Variants in KIF11 observed in about 807,000 individuals in gnomAD.
The protein encoded by KIF11 is kinesin family member 11, also known as kinesin-like protein KIF11.
KIF11 carries 9 observed loss-of-function variants against 121.0 expected under a neutral mutation model. The ratio of observed to expected loss-of-function variants is 0.07; its 90% CI spans 0.04 to 0.13. KIF11 has a LOEUF of 0.13. Among genes scored for constraint, KIF11 ranks in the 10% least tolerant of loss-of-function variants. The probability of loss-of-function intolerance (pLI) is 1.00; values close to 1 mark genes in which losing one functional copy is unlikely to be tolerated. For synonymous variants in KIF11, 408 were observed against 421.0 expected, an observed-to-expected ratio of 0.97 and a Z score of 0.38; for missense variants, 846 against 1,217.5, an observed-to-expected ratio of 0.69 and a Z score of 4.54.
intron 10 of KIF11, among the ~76,000 whole-genome samples, chr10:92,622,592 G>A (rs903395493): frequency 1.3e-5 from 2 of 151,652 alleles, no homozygotes; most frequent in African/African-American, 4.8e-5. Flanking sequence ...TCCAGCCTGG[G>A]GAACAAGAGC....
intron 4 of KIF11, among the ~76,000 whole-genome samples, chr10:92,608,532 G>A (rs1326093688): frequency 3.5e-5 from 5 of 143,492 alleles, no homozygotes; most frequent in Non-Finnish European, 6.2e-5. Context: ...TCCACCTCCC[G>A]GGTTCAAGTG....
chr10:92,612,051 G>T (rs1317421713), intron 6 of KIF11, among the ~76,000 whole-genome samples: 2 of 151,636 alleles, frequency 1.3e-5, no homozygotes, highest in South Asian at 2.1e-4. Flanking sequence ...AATGTCTTTG[G>T]TCATCTGTAT....
intron 18 of KIF11, among the ~76,000 whole-genome samples, chr10:92,647,116 T>C (rs947606658): frequency 6.6e-6 from 1 of 152,212 alleles, no homozygotes; most frequent in African/African-American, 2.4e-5. Flanking sequence ...ACCTATGAAA[T>C]ACTCTTGCTA....
intron 6 of KIF11, among the ~76,000 whole-genome samples, chr10:92,610,135 C>T (rs1165548783): frequency 3.3e-5 from 5 of 152,154 alleles, no homozygotes; most frequent in African/African-American, 1.2e-4. Context: ...TGGAATGGGA[C>T]GCTCTGAGGC....
chr10:92,594,330 C>T lies in KIF11; in HGVS notation c.77+878C>T, dbSNP rs567860534. On this transcript the variant is annotated intron_variant, in intron 1 of 21. Coordinates refer to ENST00000260731, the MANE Select transcript of KIF11 (RefSeq NM_004523.4). ...GCTATTGTTTACTCAGCCCTGGTAA[C>T]TTGAATTGTGGATATCGAAGGTGAT... Among the ~76,000 whole-genome samples the T allele has an allele frequency of 1.3e-5, 2 of 152,286 alleles. 1 individual carries two copies. The highest frequency in any genetic ancestry group is 4.1e-4 in the South Asian group (2 of 4,830).
rs989824359 is a variant in KIF11, at chr10:92,637,550, G to A, written c.2160+5G>A. The A allele has an allele frequency of 1.3e-6, 2 of 1,598,080 alleles. No individual in the cohort carries two copies. Among genetic ancestry groups the A allele is most frequent in the Non-Finnish European group, 1.7e-6 (2 of 1,176,644 alleles). The stretch of plus-strand genomic sequence containing the variant: ...ATAAAGCAGACCCATTCCCAGGTAT[G>A]TTGTTTAGCGGACTTGGGGAGTACA... On this transcript the variant is annotated splice_donor_5th_base_variant and intron_variant, in intron 16 of 21. Coordinates refer to ENST00000260731, the MANE Select transcript of KIF11 (RefSeq NM_004523.4).
intron 13 of KIF11, among the ~76,000 whole-genome samples, chr10:92,632,985 G>C (rs941541436): frequency 6.6e-6 from 1 of 151,726 alleles, no homozygotes; most frequent in African/African-American, 2.4e-5. Context: ...TCCTGACCCT[G>C]GGTCATTGAC....
chr10:92,624,340 C>T (rs1401926363), intron 10 of KIF11, among the ~76,000 whole-genome samples: 1 of 150,318 alleles, frequency 6.7e-6, no homozygotes, highest in Non-Finnish European at 1.5e-5. Context: ...AAGTGATTCT[C>T]CTACCCCAGC....
In KIF11 at chr10:92,645,513, C is replaced by T. The variant is rs758345007; in HGVS notation, c.2418C>T (p.Gly806=). 4.8e-5 allele frequency: 77 copies of T among 1,613,806 alleles called. No individual in the cohort carries two copies. Among genetic ancestry groups the T allele is most frequent in the Non-Finnish European group, 6.4e-5 (75 of 1,179,892 alleles). The part of the protein sequence containing the change: ...ESVKHSDKLN[G]NLEKISQETE... ...TGAAACACTCTGATAAACTCAATGG[C>T]AACCTGGAAAAAATATCTCAAGAGA... is the stretch of plus-strand genomic sequence containing the variant. The change falls in exon 18 of 22, where the codon GGC becomes GGT. Residue 806 remains glycine, a synonymous_variant. Coordinates refer to ENST00000260731, the MANE Select transcript of KIF11 (RefSeq NM_004523.4).
rs1844337990 is a variant in KIF11, at chr10:92,599,234, A to AG, written c.77+5784dup. 3.3e-5 allele frequency among the ~76,000 whole-genome samples: 5 copies of AG among 151,924 alleles called. No homozygotes were observed. In the South Asian group the frequency reaches 1.0e-3, roughly 32 times the overall value. ...TCTTAGTGTATAAAAATGTAACTGG[A>AG]GGCTGGACGCAGTGGCTCTCACCTG... On this transcript the variant is annotated intron_variant, in intron 1 of 21. Transcript: ENST00000260731.
chr10:92,629,924 C>A (rs1191731430), intron 11 of KIF11, among the ~76,000 whole-genome samples: 1 of 152,160 alleles, frequency 6.6e-6, no homozygotes, highest in Non-Finnish European at 1.5e-5. Flanking sequence ...GCCACATTAA[C>A]ACTGTTATAT....
chr10:92,645,549 A>C lies in KIF11; in HGVS notation c.2454A>C (p.Arg818Ser). ...AAATATCTCAAGAGACTGAACAGAG[A>C]TGTGAATCTCTGAACACAAGAACAG... Reference protein sequence around the residue: ...LEKISQETEQRCESLNTRTVY... With the variant: ...LEKISQETEQSCESLNTRTVY... The change falls in exon 18 of 22, where the codon AGA (arginine) becomes AGC (serine). Residue 818 changes from arginine to serine, a missense_variant. Arg to Ser is a moderately radical substitution (Grantham distance 110). Transcript: ENST00000260731. The C allele has an allele frequency of 1.2e-6, 2 of 1,613,516 alleles. No homozygotes were observed. The highest frequency in any genetic ancestry group is 1.7e-6 in the Non-Finnish European group (2 of 1,179,448).
At chr10:92,633,069 T>G (rs993333186) in intron 13 of KIF11, among the ~76,000 whole-genome samples, 1 of 151,040 alleles carries the variant, frequency 6.6e-6, no homozygotes, top group Non-Finnish European at 1.5e-5. Context: ...GCAACTTTTT[T>G]TGGGGGGGGC....
chr10:92,635,841 T>C (rs1177536122), intron 14 of KIF11, among the ~76,000 whole-genome samples: 1 of 152,210 alleles, frequency 6.6e-6, no homozygotes, highest in African/African-American at 2.4e-5. Flanking sequence ...CAATTTTTGC[T>C]TGAATTAAAA....
chr10:92,649,732 T>C, intron 19 of KIF11, 103 bp from the exon 20 acceptor site: 1 of 748,808 alleles, frequency 1.3e-6, no homozygotes. Flanking sequence ...AATTATATTT[T>C]TATATTTTTA....
chr10:92,617,572 G>T (rs1844570855), intron 9 of KIF11, among the ~76,000 whole-genome samples: 1 of 152,042 alleles, frequency 6.6e-6, no homozygotes, highest in Non-Finnish European at 1.5e-5. Context: ...GTAAGTTTAT[G>T]CTCTAAGAAA....
At chr10:92,594,400 A>G (rs1214162964) in intron 1 of KIF11, among the ~76,000 whole-genome samples, 2 of 152,196 alleles carry the variant, frequency 1.3e-5, no homozygotes, top group Non-Finnish European at 2.9e-5. Flanking sequence ...TTGGGTGGCA[A>G]TCTTAAGTCT....
intron 14 of KIF11, among the ~76,000 whole-genome samples, chr10:92,636,202 C>T (rs1844793689): frequency 6.6e-6 from 1 of 152,150 alleles, no homozygotes; most frequent in Non-Finnish European, 1.5e-5. Flanking sequence ...GTAACCTAAA[C>T]TTGTTTGAAA....
In KIF11 at chr10:92,593,312, G is replaced by A. The variant is rs1844251840; in HGVS notation, c.-64G>A. On this transcript the variant is annotated 5_prime_UTR_variant, in exon 1 of 22. Transcript: ENST00000260731. ...GACTCCGGCCCCTGTCGGCCGCCAA[G>A]CCCCTCCGCCCCTCACAGCGCCCAG... is the stretch of plus-strand genomic sequence containing the variant. 3 of 1,523,352 alleles carry A rather than the reference G, an allele frequency of 2.0e-6. No homozygotes were observed. Among genetic ancestry groups the A allele is most frequent in the Non-Finnish European group, 2.7e-6 (3 of 1,122,996 alleles). 94.4% of individuals were successfully genotyped at this position (1,523,352 alleles called of 1,614,324 possible).
Sources: allele counts gnomAD v4.1 joint callset (sites outside exome capture counted in the v4.1 genomes callset), GRCh38; gene constraint gnomAD v4.1.1; transcripts MANE v1.5; gene names NCBI Gene and HGNC (gene_info 2026-07-23, HGNC 2026-07-21).